Variants in LSAMP observed in about 807,000 individuals in gnomAD.
LSAMP encodes the protein limbic system associated membrane protein, also known as limbic system-associated membrane protein.
LSAMP carries 7 observed loss-of-function variants against 38.6 expected under a neutral mutation model. The ratio of observed to expected loss-of-function variants is 0.18; its 90% CI spans 0.10 to 0.34. The LOEUF is 0.34. LSAMP is among the 10% of genes least tolerant of loss of function. The probability of loss-of-function intolerance (pLI) is 1.00; values close to 1 mark genes in which losing one functional copy is unlikely to be tolerated. For missense variants in LSAMP, 313 were observed against 420.0 expected (o/e 0.75, Z 2.23); for synonymous variants, 154 against 166.8 (o/e 0.92, Z 0.59).
chr3:115,944,319 G>C (rs752003380), intron 3 of LSAMP, among the ~76,000 whole-genome samples: 2 of 152,108 alleles, frequency 1.3e-5, no homozygotes, highest in African/African-American at 4.8e-5. Flanking sequence ...TACATGCATT[G>C]TTATCAATAA....
At chr3:116,324,999 T>A (rs969660814) in intron 1 of LSAMP, among the ~76,000 whole-genome samples, 2 of 151,986 alleles carry the variant, frequency 1.3e-5, no homozygotes, top group Non-Finnish European at 2.9e-5. Context: ...TTATTCAAGA[T>A]GATATCTTTA....
chr3:116,439,816 G>C (rs972143963), intron 1 of LSAMP, among the ~76,000 whole-genome samples: 2 of 152,230 alleles, frequency 1.3e-5, no homozygotes, highest in Non-Finnish European at 2.9e-5. Context: ...TCCGCCTCAC[G>C]GGTTCAAGCG....
chr3:116,392,004 C>T (rs1011009801), intron 1 of LSAMP, among the ~76,000 whole-genome samples: 2 of 152,194 alleles, frequency 1.3e-5, no homozygotes, highest in Non-Finnish European at 2.9e-5. Flanking sequence ...ATGGGCAGGG[C>T]CATGAGCCTG....
chr3:116,061,614 A>G (rs1012714094), intron 2 of LSAMP, among the ~76,000 whole-genome samples: 2 of 152,202 alleles, frequency 1.3e-5, no homozygotes, highest in African/African-American at 2.4e-5. Flanking sequence ...CAACACCTCC[A>G]GTATTCTCCT....
chr3:115,865,103 C>T (rs1270258717), intron 3 of LSAMP, among the ~76,000 whole-genome samples: 1 of 152,158 alleles, frequency 6.6e-6, no homozygotes, highest in African/African-American at 2.4e-5. Context: ...TACAACCTAT[C>T]AAATGCTTAA....
chr3:116,037,464 T>A (rs760744036), intron 2 of LSAMP, among the ~76,000 whole-genome samples: 13 of 152,072 alleles, frequency 8.5e-5, no homozygotes, highest in Non-Finnish European at 1.5e-4. Context: ...TTTCTCTGAC[T>A]CTCAGTAGGG....
chr3:116,226,699 G>C (rs2046345692), intron 1 of LSAMP, among the ~76,000 whole-genome samples: 1 of 152,210 alleles, frequency 6.6e-6, no homozygotes, highest in South Asian at 2.1e-4. Flanking sequence ...ATGTGTAATG[G>C]ACATGTCACA....
At chr3:116,044,994 T>C (rs1489518173) in intron 2 of LSAMP, among the ~76,000 whole-genome samples, 1 of 152,202 alleles carries the variant, frequency 6.6e-6, no homozygotes, top group Admixed American at 6.5e-5. Flanking sequence ...TGAAAAAGCT[T>C]TGTAGCAAAT....
intron 1 of LSAMP, among the ~76,000 whole-genome samples, chr3:116,100,281 T>C (rs573504827): frequency 6.6e-6 from 1 of 152,134 alleles, no homozygotes; most frequent in East Asian, 1.9e-4. Flanking sequence ...GGTTTCAACA[T>C]GTTGGCTAGG....
intron 1 of LSAMP, among the ~76,000 whole-genome samples, chr3:116,231,285 T>C (rs2046400051): frequency 6.6e-6 from 1 of 152,346 alleles, no homozygotes; most frequent in East Asian, 1.9e-4. Flanking sequence ...TATTCAATCA[T>C]TGATGATAAG....
chr3:116,207,461 TG>T (rs2046086610), intron 1 of LSAMP, among the ~76,000 whole-genome samples: 1 of 150,226 alleles, frequency 6.7e-6, no homozygotes, highest in South Asian at 2.2e-4. Context: ...TGTTAGCTGG[TG>T]ATTTTGCTCG....
chr3:116,062,668 T>G (rs1323995673), intron 2 of LSAMP, among the ~76,000 whole-genome samples: 1 of 152,180 alleles, frequency 6.6e-6, no homozygotes, highest in Non-Finnish European at 1.5e-5. Flanking sequence ...TTCAGAAAAT[T>G]TATTTTTCAA....
chr3:115,982,642 A>G (rs1359352555), intron 3 of LSAMP, among the ~76,000 whole-genome samples: 1 of 151,806 alleles, frequency 6.6e-6, no homozygotes, highest in Non-Finnish European at 1.5e-5. Context: ...CCTGTATTGT[A>G]CATTCTCTCT....
intron 2 of LSAMP, among the ~76,000 whole-genome samples, chr3:116,056,343 C>G (rs776661543): frequency 1.3e-5 from 2 of 152,148 alleles, no homozygotes; most frequent in South Asian, 4.1e-4. Flanking sequence ...ACACTCCTGT[C>G]CATTCTCTTC....
At chr3:115,964,189 T>C (rs1035463538) in intron 3 of LSAMP, among the ~76,000 whole-genome samples, 1 of 152,232 alleles carries the variant, frequency 6.6e-6, no homozygotes, top group Admixed American at 6.5e-5. Context: ...TTTGGTGTTT[T>C]ATTTTATTTG....
intron 1 of LSAMP, among the ~76,000 whole-genome samples, chr3:116,356,524 G>A (rs1234912457): frequency 1.3e-5 from 2 of 152,164 alleles, no homozygotes; most frequent in East Asian, 3.9e-4. Context: ...GTATTTGATA[G>A]CACAACAGGG....
chr3:115,995,386 T>C (rs1301905516), intron 3 of LSAMP, among the ~76,000 whole-genome samples: 3 of 152,066 alleles, frequency 2.0e-5, no homozygotes, highest in Non-Finnish European at 4.4e-5. Flanking sequence ...TCTTCCACAG[T>C]GTTCAGGATC....
At chr3:116,410,272 C>T (rs1448083261) in intron 1 of LSAMP, among the ~76,000 whole-genome samples, 1 of 151,876 alleles carries the variant, frequency 6.6e-6, no homozygotes, top group Non-Finnish European at 1.5e-5. Context: ...CTTGACCTCA[C>T]TAAATAGAGG....
chr3:116,316,778 G>GAA (rs35294836), intron 1 of LSAMP, among the ~76,000 whole-genome samples: 2,166 of 118,952 alleles, frequency 0.018, 39 homozygotes, highest in African/African-American at 0.039. Context: ...CTCAAAAAAA[G>GAA]AAAAAAAAAA....
Sources: gnomAD v4.1 joint callset for allele counts (sites outside exome capture counted in the v4.1 genomes callset) on GRCh38, gnomAD v4.1.1 for gene constraint, MANE v1.5 for transcripts, NCBI Gene and HGNC (gene_info 2026-07-23, HGNC 2026-07-21) for gene names.